The following HEATR4 variants were observed in gnomAD, a reference collection of about 807,000 sequenced individuals.
HEATR4 encodes HEAT repeat containing 4.
Under a neutral mutation model 108.8 loss-of-function variants are expected in HEATR4, and 95 were observed. The ratio of observed to expected loss-of-function variants is 0.87; its 90% CI spans 0.74 to 1.04. HEATR4 has a LOEUF of 1.04. Among genes scored for constraint, HEATR4 ranks in the 50% least tolerant of loss-of-function variants. The pLI, the probability that HEATR4 is intolerant of heterozygous loss-of-function variation, is 0.00. For missense variants in HEATR4, 1,152 were observed against 1,253.8 expected (o/e 0.92, Z 1.23); for synonymous variants, 443 against 459.4 (o/e 0.96, Z 0.46).
At chr14:73,559,306 A>G (rs1246567330), upstream of HEATR4, among the ~76,000 whole-genome samples, 1 of 151,648 alleles carries the variant, frequency 6.6e-6, no homozygotes, top group Non-Finnish European at 1.5e-5. Flanking sequence ...TTTAGTAGAG[A>G]TGGGGTTTCA....
At chr14:73,569,442 A>G in the HEATR4 span, 3 of 1,613,762 alleles carry the variant, frequency 1.9e-6, no homozygotes, top group African/African-American at 4.0e-5. Flanking sequence ...GGCGACGCTG[A>G]TCCTGGAGCC....
At chr14:73,562,253 T>C (rs1889540900), upstream of HEATR4, among the ~76,000 whole-genome samples, 1 of 152,044 alleles carries the variant, frequency 6.6e-6, no homozygotes, top group South Asian at 2.1e-4. Flanking sequence ...ACATAAATTG[T>C]GAAGATTTCA....
chr14:73,503,056 G>A (rs748319820), intron 10 of HEATR4, 43 bp from the exon 11 acceptor site: 2 of 1,431,480 alleles, frequency 1.4e-6, no homozygotes, highest in Non-Finnish European at 9.8e-7. Flanking sequence ...CTTAATGAAT[G>A]TTAATTTTGT....
chr14:73,589,502 T>C, the HEATR4 span, among the ~76,000 whole-genome samples: 1 of 152,128 alleles, frequency 6.6e-6, no homozygotes, highest in African/African-American at 2.4e-5. Context: ...GTATTGTTAG[T>C]GGAGGCGGGT....
At chr14:73,619,685 G>T in the HEATR4 span, 5 of 1,614,172 alleles carry the variant, frequency 3.1e-6, no homozygotes, top group Non-Finnish European at 4.2e-6. Context: ...CCTCCTTCTA[G>T]AGCTTCTGTG....
intron 7 of HEATR4, among the ~76,000 whole-genome samples, chr14:73,510,373 G>A (rs1887170983): frequency 6.6e-6 from 1 of 151,954 alleles, no homozygotes; most frequent in Admixed American, 6.6e-5. Context: ...TGGGACAGGA[G>A]CATAGTTTGT....
rs1302646572 is a variant in HEATR4, at chr14:73,542,685, C to T, written c.-151-12441G>A. Among the ~76,000 whole-genome samples, 2 of 111,802 alleles carry T rather than the reference C, an allele frequency of 1.8e-5. 1 individual carries two copies. Among genetic ancestry groups the T allele is most frequent in the Non-Finnish European group, 3.8e-5 (2 of 52,384 alleles). The allele number at this position is 111,802 out of a possible 152,430, so 73.3% of individuals were successfully genotyped here. A position where few individuals can be genotyped will look rare whatever the true frequency, so the allele number is the denominator to read the frequency against. On this transcript the variant is annotated intron_variant, in intron 1 of 17. Transcript: ENST00000553558. ...CCTCCCAAACTGTTGGGATTACAGG[C>T]GTCAGCCACCACGCCCGGCCATGAG...
At chr14:73,535,085 C>A (rs75031208) in intron 1 of HEATR4, among the ~76,000 whole-genome samples, 6,194 of 114,910 alleles carry the variant, frequency 0.054, 1,598 homozygotes, top group African/African-American at 0.17. Flanking sequence ...TGCTTTATAA[C>A]TAAACTGCTT....
intron 5 of HEATR4, 91 bp downstream of exon 5, chr14:73,518,932 G>A: frequency 7.7e-7 from 1 of 1,293,812 alleles, no homozygotes; most frequent in Admixed American, 2.2e-5. Context: ...CCCATGAACT[G>A]GGAGCTCTAG....
the HEATR4 span, among the ~76,000 whole-genome samples, chr14:73,603,103 G>A: frequency 6.6e-6 from 1 of 152,082 alleles, no homozygotes; most frequent in African/African-American, 2.4e-5. Context: ...TGTAAAACCT[G>A]GTAACTTATT....
the HEATR4 span, among the ~76,000 whole-genome samples, chr14:73,627,903 G>A: frequency 2.6e-5 from 4 of 152,090 alleles, no homozygotes; most frequent in South Asian, 6.2e-4. Context: ...CCGTCTCCTG[G>A]ATTCAAGTGA....
At chr14:73,569,766 C>T in the HEATR4 span, 1 of 1,608,116 alleles carries the variant, frequency 6.2e-7, no homozygotes, top group Non-Finnish European at 8.5e-7. Context: ...TGGCCACGAC[C>T]CCGACCCCGG....
chr14:73,569,669 C>T, the HEATR4 span: 6 of 1,608,230 alleles, frequency 3.7e-6, no homozygotes, highest in East Asian at 6.7e-5. Flanking sequence ...TGGGGCTGCT[C>T]TGGGCCTTGG....
intron 17 of HEATR4, chr14:73,491,245 G>A (rs772548676): frequency 1.9e-6 from 3 of 1,586,270 alleles, no homozygotes; most frequent in African/African-American, 2.7e-5. Flanking sequence ...ACGACCTGGG[G>A]GACGCGCTAC....
At chr14:73,578,028 T>C in the HEATR4 span, among the ~76,000 whole-genome samples, 9,180 of 151,454 alleles carry the variant, frequency 0.061, 650 homozygotes, top group African/African-American at 0.17. Context: ...ATTTTGTATT[T>C]TTAGTAGAGA....
chr14:73,580,389 G>C, the HEATR4 span, among the ~76,000 whole-genome samples: 8 of 152,080 alleles, frequency 5.3e-5, no homozygotes, highest in African/African-American at 1.4e-4. Context: ...GTAGAACGGT[G>C]CAGCTGCTCG....
chr14:73,512,102 C>T lies in HEATR4; in HGVS notation c.1462G>A (p.Gly488Arg), dbSNP rs757792248. The change falls in exon 7 of 18, where the codon GGA (glycine) becomes AGA (arginine). Residue 488 changes from glycine (G) to arginine (R), a missense_variant. Gly to Arg is a moderately radical substitution (Grantham distance 125). Transcript: ENST00000553558. ...ATCCGAACGTCATCATGCAGGTCTC[C>T]CAAGCTCTGAAGCAGGTTCTCTACT... ...ETVENLLQSL[G>R]DLHDDVRIKA... The T allele has an allele frequency of 6.8e-6, 11 of 1,614,140 alleles. No homozygotes were observed. Among genetic ancestry groups the T allele is most frequent in the South Asian group, 1.1e-5 (1 of 91,088 alleles).
At chr14:73,572,758 C>T in the HEATR4 span, among the ~76,000 whole-genome samples, 2 of 149,012 alleles carry the variant, frequency 1.3e-5, no homozygotes, top group African/African-American at 2.5e-5. Context: ...CGATTCTCCT[C>T]CCTCAGCCTC....
At chr14:73,557,193 G>C (rs1889412238) in intron 1 of HEATR4, among the ~76,000 whole-genome samples, 1 of 113,752 alleles carries the variant, frequency 8.8e-6, no homozygotes, top group Admixed American at 1.0e-4. Flanking sequence ...TGGGCTAGAA[G>C]GGGAGGAATG....
Sources: gnomAD v4.1 joint callset for allele counts (sites outside exome capture counted in the v4.1 genomes callset) on GRCh38, gnomAD v4.1.1 for gene constraint, MANE v1.5 for transcripts, NCBI Gene and HGNC (gene_info 2026-07-23, HGNC 2026-07-21) for gene names.